The following PCDH9 variants were observed in gnomAD, a reference collection of about 807,000 sequenced individuals.
PCDH9 encodes the protein protocadherin-9.
Under a neutral mutation model 70.6 loss-of-function variants are expected in PCDH9, and 24 were observed. That is an observed-to-expected ratio of 0.34 (90% CI 0.25 to 0.48). The LOEUF (loss-of-function observed/expected upper bound fraction) is 0.48, where lower values mean the gene tolerates loss of function less well. PCDH9 is among the 20% of genes least tolerant of loss of function. The pLI, the probability that PCDH9 is intolerant of heterozygous loss-of-function variation, is 0.99. For synonymous variants in PCDH9, 562 were observed against 558.5 expected (o/e 1.01, Z -0.09); for missense variants, 1,281 against 1,503.6 (o/e 0.85, Z 2.45).
intron 2 of PCDH9, among the ~76,000 whole-genome samples, chr13:67,004,996 A>G (rs1594379847): frequency 6.6e-6 from 1 of 152,004 alleles, no homozygotes. Flanking sequence ...TATTTTTGGG[A>G]TCTTTTTCCT....
chr13:66,370,680 T>G (rs1566275610), intron 4 of PCDH9, among the ~76,000 whole-genome samples: 2 of 151,764 alleles, frequency 1.3e-5, no homozygotes, highest in South Asian at 4.2e-4. Flanking sequence ...CCAGTTAATT[T>G]TTCAAAAAAT....
chr13:66,807,769 T>A (rs1044041423), intron 3 of PCDH9, among the ~76,000 whole-genome samples: 3 of 152,234 alleles, frequency 2.0e-5, no homozygotes, highest in African/African-American at 7.2e-5. Flanking sequence ...ATCCTTTGTG[T>A]TATATAAAGT....
intron 3 of PCDH9, among the ~76,000 whole-genome samples, chr13:66,644,449 A>G (rs2077746558): frequency 6.6e-6 from 1 of 151,992 alleles, no homozygotes; most frequent in Non-Finnish European, 1.5e-5. Context: ...TAGTCTTAAA[A>G]AAAGATTAGA....
chr13:66,693,181 A>G lies in PCDH9; in HGVS notation c.3139-61770T>C, dbSNP rs1041280703. Among the ~76,000 whole-genome samples, 4 of 152,098 alleles carry G rather than the reference A, an allele frequency of 2.6e-5. No homozygotes were observed. The South Asian group carries it at 8.3e-4, about 31-fold the overall frequency. ...TACTCTTTATGAATATTAGTTCTTC[A>G]TCTACAATTGGAATGGCAACATTTT... On this transcript the variant is annotated intron_variant, in intron 3 of 4. Transcript: ENST00000377865.
At chr13:66,904,032 C>T (rs2082319146) in intron 2 of PCDH9, among the ~76,000 whole-genome samples, 1 of 151,824 alleles carries the variant, frequency 6.6e-6, no homozygotes, top group Admixed American at 6.6e-5. Flanking sequence ...CATAATTCCT[C>T]CCCCAACAAA....
intron 4 of PCDH9, among the ~76,000 whole-genome samples, chr13:66,626,055 A>G (rs564879101): frequency 4.3e-4 from 65 of 152,266 alleles, no homozygotes; most frequent in African/African-American, 1.5e-3. Context: ...TTGTACAGCT[A>G]TCATGAGATT....
chr13:66,499,414 G>T (rs907089384), intron 4 of PCDH9, among the ~76,000 whole-genome samples: 2 of 152,060 alleles, frequency 1.3e-5, no homozygotes, highest in African/African-American at 4.8e-5. Context: ...GTCTAAAACA[G>T]TGTAGCAAGA....
chr13:66,308,286 CT>C (rs1955503696), intron 4 of PCDH9, among the ~76,000 whole-genome samples: 1 of 151,974 alleles, frequency 6.6e-6, no homozygotes, highest in African/African-American at 2.4e-5. Flanking sequence ...TGTACAAAAT[CT>C]TTAACTTGCA....
chr13:66,784,868 A>G (rs1019637457), intron 3 of PCDH9, among the ~76,000 whole-genome samples: 1 of 152,276 alleles, frequency 6.6e-6, no homozygotes, highest in Middle Eastern at 3.4e-3. Context: ...GAAATGATAC[A>G]TAATTGCCCT....
intron 4 of PCDH9, among the ~76,000 whole-genome samples, chr13:66,531,198 T>G (rs965774430): frequency 6.6e-6 from 1 of 151,984 alleles, no homozygotes; most frequent in South Asian, 2.1e-4. Flanking sequence ...ACTCAGGTTG[T>G]GATAAGACCG....
chr13:66,625,931 T>C (rs1439989881), intron 4 of PCDH9, among the ~76,000 whole-genome samples: 1 of 152,156 alleles, frequency 6.6e-6, no homozygotes, highest in Non-Finnish European at 1.5e-5. Context: ...CCCAAAGTGC[T>C]GTGATTAAAG....
At chr13:66,349,234 A>G (rs2138165360) in intron 4 of PCDH9, among the ~76,000 whole-genome samples, 1 of 152,224 alleles carries the variant, frequency 6.6e-6, no homozygotes, top group East Asian at 1.9e-4. Flanking sequence ...CCCTCCCTAA[A>G]TATTTGTTGA....
intron 4 of PCDH9, among the ~76,000 whole-genome samples, chr13:66,405,504 A>C (rs1361051651): frequency 6.6e-6 from 1 of 152,208 alleles, no homozygotes. Flanking sequence ...GTTTTTATCC[A>C]TAGATCATCT....
chr13:66,757,307 TG>T (rs1249531552), intron 3 of PCDH9, among the ~76,000 whole-genome samples: 11 of 152,240 alleles, frequency 7.2e-5, no homozygotes, highest in Non-Finnish European at 1.3e-4. Flanking sequence ...ATAGCTCATT[TG>T]GACCATTACT....
chr13:66,879,165 G>T (rs939233454), intron 3 of PCDH9, among the ~76,000 whole-genome samples: 1 of 151,998 alleles, frequency 6.6e-6, no homozygotes, highest in Non-Finnish European at 1.5e-5. Flanking sequence ...CCTTATTCTG[G>T]AGTCAAATAA....
At chr13:66,633,613 T>C (rs891309078) in intron 3 of PCDH9, among the ~76,000 whole-genome samples, 2 of 152,164 alleles carry the variant, frequency 1.3e-5, no homozygotes, top group African/African-American at 4.8e-5. Flanking sequence ...TAGATTTTAA[T>C]GTGTCTTTGG....
chr13:66,812,591 G>A (rs559059799), intron 3 of PCDH9, among the ~76,000 whole-genome samples: 1 of 152,080 alleles, frequency 6.6e-6, no homozygotes, highest in East Asian at 1.9e-4. Flanking sequence ...AGCCTGAGGG[G>A]ATTAAAAAGT....
At chr13:67,189,564 C>T (rs901267639) in intron 2 of PCDH9, among the ~76,000 whole-genome samples, 1 of 151,950 alleles carries the variant, frequency 6.6e-6, no homozygotes, top group African/African-American at 2.4e-5. Flanking sequence ...TACGGCTTAA[C>T]TGCGAGTAAA....
At chr13:67,068,995 C>T (rs2085706209) in intron 2 of PCDH9, among the ~76,000 whole-genome samples, 1 of 152,120 alleles carries the variant, frequency 6.6e-6, no homozygotes, top group Non-Finnish European at 1.5e-5. Flanking sequence ...ATCAGTTGCA[C>T]ATAAAACTTG....
Sources: gnomAD v4.1 joint callset for allele counts (sites outside exome capture counted in the v4.1 genomes callset) on GRCh38, gnomAD v4.1.1 for gene constraint, MANE v1.5 for transcripts, NCBI Gene and HGNC (gene_info 2026-07-23, HGNC 2026-07-21) for gene names.